SS18L1: variants seen among roughly 807,000 people sequenced by gnomAD.
SS18L1 encodes the protein SS18L1 subunit of BAF chromatin remodeling complex.
In SS18L1, 32 loss-of-function variants were observed where a neutral mutation model predicts 70.3. The ratio of observed to expected loss-of-function variants is 0.46; its 90% CI spans 0.34 to 0.61. The LOEUF (loss-of-function observed/expected upper bound fraction) is 0.61. Ranked by LOEUF, SS18L1 falls within the 20% of genes least tolerant of loss-of-function variation. The probability of loss-of-function intolerance (pLI) is 0.01; values close to 1 mark genes in which losing one functional copy is unlikely to be tolerated. For synonymous variants in SS18L1, 237 were observed against 229.7 expected (o/e 1.03, Z -0.29); for missense variants, 430 against 542.1 (o/e 0.79, Z 2.05).
rs1402351364 is a variant in SS18L1, at chr20:62,159,367, G to T, written c.147-510G>T. Among the ~76,000 whole-genome samples the T allele has an allele frequency of 6.6e-6, 1 of 152,216 alleles. No individual in the cohort carries two copies. Among genetic ancestry groups the T allele is most frequent in the African/African-American group, 2.4e-5 (1 of 41,470 alleles). On this transcript the variant is annotated intron_variant, in intron 2 of 10. Coordinates refer to ENST00000331758, the MANE Select transcript of SS18L1 (RefSeq NM_198935.3). The surrounding 1 kb of genome is among the most constrained non-coding windows in gnomAD (Gnocchi z 4.4). ...CGTGAATGGCCTCAGACACCCCTGG[G>T]TGTGGGTGGGGTGAAGGGACTGGGT...
chr20:62,144,427 C>T (rs1313895349), intron 1 of SS18L1, among the ~76,000 whole-genome samples: 1 of 152,214 alleles, frequency 6.6e-6, no homozygotes, highest in African/African-American at 2.4e-5. Context: ...CGGGGCTGCC[C>T]CTCTTGCTCC....
In SS18L1 at chr20:62,162,932, G is replaced by GT; in HGVS notation, c.556+2dup. The GT allele has an allele frequency of 6.2e-7, 1 of 1,610,580 alleles. No individual in the cohort carries two copies. The highest frequency in any genetic ancestry group is 8.5e-7 in the Non-Finnish European group (1 of 1,179,492). ...AACATCAACATGCAGTCCAACCCAGGTACCTACTCTGCCTCTGCAACCCCG... is the reference window on the plus strand; with the variant it reads ...AACATCAACATGCAGTCCAACCCAGGTTACCTACTCTGCCTCTGCAACCCCG... On this transcript the variant is annotated splice_donor_variant, in intron 5 of 10. Transcript: ENST00000331758. LOFTEE classifies it high-confidence loss of function.
chr20:62,160,555 T>C (rs2057311133), intron 3 of SS18L1, among the ~76,000 whole-genome samples: 1 of 152,188 alleles, frequency 6.6e-6, no homozygotes, highest in Non-Finnish European at 1.5e-5. Flanking sequence ...TTAGTTCAAA[T>C]ATTTTATTTT....
intron 8 of SS18L1, among the ~76,000 whole-genome samples, chr20:62,171,806 G>T (rs537533281): frequency 1.3e-5 from 2 of 152,262 alleles, no homozygotes; most frequent in South Asian, 4.2e-4. Context: ...ATTGCTTGAG[G>T]CCAAGAGTTC....
intron 1 of SS18L1, chr20:62,154,587 G>A (rs899384431): frequency 1.3e-5 from 13 of 985,998 alleles, no homozygotes; most frequent in African/African-American, 1.7e-5. Flanking sequence ...CAGCTCCTCC[G>A]GAAGTCTCCG....
intron 1 of SS18L1, among the ~76,000 whole-genome samples, chr20:62,147,352 T>C (rs1004667134): frequency 6.6e-6 from 1 of 152,066 alleles, no homozygotes; most frequent in Non-Finnish European, 1.5e-5. Context: ...GTCCCCACGG[T>C]GGCCCTGGGC....
Position 62,161,105 on chromosome 20 carries a change from G to T in SS18L1, c.232-331G>T, listed in dbSNP as rs1173855418. Among the ~76,000 whole-genome samples, 3 of 151,846 alleles carry T rather than the reference G, an allele frequency of 2.0e-5. No homozygotes were observed. Among genetic ancestry groups the T allele is most frequent in the Middle Eastern group, 3.4e-3 (1 of 294 alleles). ...GGCGCTGGTCACCTGCGCCCGAGGG[G>T]GACGGGGTGCGTTCAGCCTGGTGGG... On this transcript the variant is annotated intron_variant, in intron 3 of 10. Transcript: ENST00000331758. This position sits in a 1 kb window ranked among gnomAD's most constrained non-coding sequence, Gnocchi z 4.4.
intron 1 of SS18L1, among the ~76,000 whole-genome samples, chr20:62,157,578 A>C (rs2057246411): frequency 6.6e-6 from 1 of 152,188 alleles, no homozygotes; most frequent in African/African-American, 2.4e-5. Flanking sequence ...TGGCGCCTGC[A>C]GAGAGACCCC....
rs1407601433 is a variant in SS18L1, at chr20:62,158,596, G to A, written c.70-76G>A. On this transcript the variant is annotated intron_variant, in intron 1 of 10. Transcript: ENST00000331758. The surrounding 1 kb of genome is among the most constrained non-coding windows in gnomAD (Gnocchi z 4.5). ...CGCTCAACCTATATGAAAACTAGAT[G>A]TGTAGCGATGGCTGTTCATCCCGAG... 5.1e-6 allele frequency: 8 copies of A among 1,565,352 alleles called. No individual in the cohort carries two copies. In the South Asian group the frequency reaches 5.7e-5, roughly 11 times the overall value.
At chr20:62,167,449 T>A (rs2145761485) in intron 8 of SS18L1, among the ~76,000 whole-genome samples, 1 of 150,488 alleles carries the variant, frequency 6.6e-6, no homozygotes, top group South Asian at 2.1e-4. Context: ...TAATCCCAGC[T>A]ACTCAGGAGG....
intron 8 of SS18L1, among the ~76,000 whole-genome samples, chr20:62,168,493 C>T (rs551188548): frequency 6.6e-6 from 1 of 152,234 alleles, no homozygotes. Context: ...CCATAAAGAA[C>T]TTTCCAGGCC....
At chr20:62,153,740 C>T (rs73309139) in intron 1 of SS18L1, among the ~76,000 whole-genome samples, 8,937 of 152,146 alleles carry the variant, frequency 0.059, 336 homozygotes, top group African/African-American at 0.093. Context: ...GTTTCAGTCT[C>T]GGGGCTGCTC....
intron 1 of SS18L1, among the ~76,000 whole-genome samples, chr20:62,155,109 T>A (rs141934229): frequency 5.9e-4 from 90 of 152,302 alleles, no homozygotes; most frequent in African/African-American, 2.1e-3. Flanking sequence ...TGGATTTTTT[T>A]AAAAAGTTTC....
At chr20:62,165,372 C>G in intron 7 of SS18L1, 50 bp from the exon 8 acceptor site, 1 of 1,563,084 alleles carries the variant, frequency 6.4e-7, no homozygotes, top group Non-Finnish European at 8.7e-7. Context: ...CCTCCGGGAC[C>G]TGTGCAGTGC....
intron 1 of SS18L1, among the ~76,000 whole-genome samples, chr20:62,146,130 G>A (rs769972937): frequency 1.3e-5 from 2 of 152,210 alleles, no homozygotes; most frequent in African/African-American, 4.8e-5. Context: ...TCTACACCTT[G>A]TCCTTACAGC....
At chr20:62,148,209 G>A (rs962213221) in intron 1 of SS18L1, among the ~76,000 whole-genome samples, 1 of 152,258 alleles carries the variant, frequency 6.6e-6, no homozygotes, top group African/African-American at 2.4e-5. Context: ...GGACCCCGCA[G>A]CCACCGGCCT....
At chr20:62,163,949 C>T (rs944792459) in intron 6 of SS18L1, among the ~76,000 whole-genome samples, 196 bp from the exon 7 acceptor site, 2 of 152,110 alleles carry the variant, frequency 1.3e-5, no homozygotes, top group Non-Finnish European at 2.9e-5. Context: ...GCCAGGTGCT[C>T]AAGACCAGCC....
At chr20:62,167,882 C>T (rs1458408892) in intron 8 of SS18L1, among the ~76,000 whole-genome samples, 1 of 150,694 alleles carries the variant, frequency 6.6e-6, no homozygotes, top group African/African-American at 2.4e-5. Flanking sequence ...GTGGCCTGAT[C>T]GTGGCACACT....
intron 1 of SS18L1, among the ~76,000 whole-genome samples, chr20:62,144,403 G>T (rs938992000): frequency 1.3e-5 from 2 of 152,248 alleles, no homozygotes; most frequent in African/African-American, 4.8e-5. Context: ...ACTTGCGACC[G>T]CGGGGACTGT....
Sources: gnomAD v4.1 joint callset for allele counts (sites outside exome capture counted in the v4.1 genomes callset) on GRCh38, gnomAD v4.1.1 for gene constraint, Gnocchi (gnomAD v3.1) non-coding constraint, MANE v1.5 for transcripts, NCBI Gene and HGNC (gene_info 2026-07-23, HGNC 2026-07-21) for gene names.